Variants in EFCC1 observed in about 807,000 individuals in gnomAD.
EFCC1 encodes the protein EF-hand and coiled-coil domain-containing protein 1.
Under a neutral mutation model 52.1 loss-of-function variants are expected in EFCC1, and 50 were observed. The ratio of observed to expected loss-of-function variants is 0.96; its 90% CI spans 0.76 to 1.21. The LOEUF (loss-of-function observed/expected upper bound fraction) is 1.21. Among genes scored for constraint, EFCC1 ranks in the 50% most tolerant of loss-of-function variants. EFCC1 has a pLI of 0.00. For synonymous variants in EFCC1, 399 were observed against 396.5 expected (o/e 1.01, Z -0.08); for missense variants, 837 against 867.3 (o/e 0.97, Z 0.44).
chr3:129,034,353 G>C (rs1461752817), intron 5 of EFCC1, 24 bp downstream of exon 5: 45 of 1,611,820 alleles, frequency 2.8e-5, no homozygotes, highest in Non-Finnish European at 3.7e-5. Flanking sequence ...AGAGATCAAA[G>C]GCTGGAGCAA....
intron 2 of EFCC1, among the ~76,000 whole-genome samples, chr3:129,008,204 C>T (rs1461599555): frequency 6.6e-6 from 1 of 152,206 alleles, no homozygotes; most frequent in African/African-American, 2.4e-5. Context: ...AACAAAACCC[C>T]AAGACCAATA....
chr3:129,034,838 T>C (rs1332338143), intron 5 of EFCC1, among the ~76,000 whole-genome samples: 2 of 152,152 alleles, frequency 1.3e-5, no homozygotes, highest in African/African-American at 4.8e-5. Context: ...CATGTGCCCG[T>C]CCCTGGGCCA....
chr3:129,013,273 T>A (rs902501117), intron 2 of EFCC1, among the ~76,000 whole-genome samples: 12 of 152,186 alleles, frequency 7.9e-5, no homozygotes, highest in Non-Finnish European at 4.4e-5. Flanking sequence ...AATAAAAGTA[T>A]GCTTCCTTTG....
chr3:129,034,323 G>C lies in EFCC1; in HGVS notation c.1446G>C (p.Glu482Asp). 6.2e-7 allele frequency: 1 copy of C among 1,613,772 alleles called. No individual in the cohort carries two copies. Residue 482 changes from glutamate (E) to aspartate (D), a missense_variant, in exon 5 of 8, where the codon GAG (glutamate) becomes GAC (aspartate). Physicochemically the swap from Glu to Asp is conservative, Grantham distance 45. Transcript: ENST00000683648. ...GTGGGAGGACCCTGGGGACCTCTGA[G>C]GAGGAGGTCAGCAGAGCCTAGAGAT... ...GCGGRTLGTSEEEAELQQKVE... is the reference protein window; with the variant it reads ...GCGGRTLGTSDEEAELQQKVE...
chr3:129,012,870 C>T (rs920922561), intron 2 of EFCC1, among the ~76,000 whole-genome samples: 1 of 152,202 alleles, frequency 6.6e-6, no homozygotes, highest in Non-Finnish European at 1.5e-5. Context: ...GGTGGAAGAG[C>T]GGGCATTGGG....
chr3:129,025,861 C>T (rs1330600608), intron 2 of EFCC1, among the ~76,000 whole-genome samples: 2 of 152,242 alleles, frequency 1.3e-5, no homozygotes, highest in Admixed American at 1.3e-4. Context: ...GCTCTGTTCT[C>T]TTCCCAGCTT....
intron 5 of EFCC1, among the ~76,000 whole-genome samples, chr3:129,035,189 T>C (rs1386803702): frequency 2.6e-5 from 4 of 152,242 alleles, no homozygotes; most frequent in Admixed American, 2.6e-4. Context: ...TACTTATATA[T>C]GGCCTGATGA....
chr3:129,018,990 C>G (rs1264783727), intron 2 of EFCC1, among the ~76,000 whole-genome samples: 2 of 152,204 alleles, frequency 1.3e-5, no homozygotes, highest in Non-Finnish European at 2.9e-5. Context: ...AACTGCCTGC[C>G]ACTCCAGATG....
chr3:129,031,625 G>A (rs1946274412), intron 3 of EFCC1, among the ~76,000 whole-genome samples: 1 of 152,198 alleles, frequency 6.6e-6, no homozygotes, highest in Non-Finnish European at 1.5e-5. Context: ...AAAAGAGAAT[G>A]TATTGGTTCA....
Position 129,001,506 on chromosome 3 carries a change from G to T in EFCC1, c.-123G>T. 2.3e-6 allele frequency: 3 copies of T among 1,306,184 alleles called. No homozygotes were observed. The highest frequency in any genetic ancestry group is 2.9e-6 in the Non-Finnish European group (3 of 1,027,184). The allele number at this position is 1,306,184 out of a possible 1,614,324, so 80.9% of individuals were successfully genotyped here. A position where few individuals can be genotyped will look rare whatever the true frequency, so the allele number is the denominator to read the frequency against. Reference sequence around the variant, plus strand: ...GCAGCTGCTGGACACGGTCCCCGGCGCCGCTCCAACCAGACCGCGACCGCT... The same window carrying T: ...GCAGCTGCTGGACACGGTCCCCGGCTCCGCTCCAACCAGACCGCGACCGCT... On this transcript the variant is annotated 5_prime_UTR_variant, in exon 1 of 8. Transcript: ENST00000683648.
intron 2 of EFCC1, among the ~76,000 whole-genome samples, chr3:129,012,136 G>A (rs1298896265): frequency 6.6e-6 from 1 of 152,218 alleles, no homozygotes; most frequent in Non-Finnish European, 1.5e-5. Flanking sequence ...GCTAACCTAT[G>A]TATGTTGCAC....
At chr3:129,019,177 AT>A (rs1225021143) in intron 2 of EFCC1, among the ~76,000 whole-genome samples, 2 of 152,078 alleles carry the variant, frequency 1.3e-5, no homozygotes, top group Non-Finnish European at 2.9e-5. Context: ...TGGCTTTATG[AT>A]TTTTGCCTTT....
At chr3:129,034,902 T>C (rs980431190) in intron 5 of EFCC1, among the ~76,000 whole-genome samples, 3 of 152,138 alleles carry the variant, frequency 2.0e-5, no homozygotes, top group Admixed American at 1.3e-4. Flanking sequence ...CAAAGTCAGA[T>C]GAAGTGGAGC....
intron 2 of EFCC1, among the ~76,000 whole-genome samples, chr3:129,006,813 G>A (rs1945095023): frequency 6.6e-6 from 1 of 152,140 alleles, no homozygotes; most frequent in Non-Finnish European, 1.5e-5. Flanking sequence ...CCTTGCCCGG[G>A]GGGCTGACCT....
chr3:129,003,372 A>G, intron 1 of EFCC1: 1 of 819,866 alleles, frequency 1.2e-6, no homozygotes, highest in Non-Finnish European at 1.5e-6. Context: ...ACCACCCTCA[A>G]AAGCCTCTAG....
intron 2 of EFCC1, among the ~76,000 whole-genome samples, chr3:129,024,673 G>T (rs1946023653): frequency 6.6e-6 from 1 of 152,168 alleles, no homozygotes; most frequent in Non-Finnish European, 1.5e-5. Flanking sequence ...AACAAAAGAG[G>T]GAGAGAGGGA....
At chr3:129,039,595 G>A (rs1217161949) in intron 7 of EFCC1, 117 bp from the exon 8 acceptor site, 2 of 1,463,664 alleles carry the variant, frequency 1.4e-6, no homozygotes, top group Non-Finnish European at 1.8e-6. Flanking sequence ...AGCTGGGCAG[G>A]GCTGGGGAGG....
chr3:129,033,485 G>A (rs150554361), intron 4 of EFCC1, among the ~76,000 whole-genome samples: 1 of 152,210 alleles, frequency 6.6e-6, no homozygotes, highest in South Asian at 2.1e-4. Flanking sequence ...CAGAGGCTGT[G>A]TGAGGATTTG....
chr3:129,029,776 G>C (rs1240253006), intron 2 of EFCC1, among the ~76,000 whole-genome samples: 1 of 151,438 alleles, frequency 6.6e-6, no homozygotes, highest in African/African-American at 2.4e-5. Flanking sequence ...GTGGAGACAG[G>C]GTTTCACCAT....
Sources: gnomAD v4.1 joint callset for allele counts (sites outside exome capture counted in the v4.1 genomes callset) on GRCh38, gnomAD v4.1.1 for gene constraint, MANE v1.5 for transcripts, NCBI Gene and HGNC (gene_info 2026-07-23, HGNC 2026-07-21) for gene names.